Variants in ATG5 observed in about 807,000 individuals in gnomAD.
ATG5 encodes the protein autophagy related 5, also known as autophagy protein 5.
Under a neutral mutation model 36.5 loss-of-function variants are expected in ATG5, and 14 were observed. That is an observed-to-expected ratio of 0.38 (90% CI 0.25 to 0.60). The LOEUF is 0.60. ATG5 is among the 20% of genes least tolerant of loss of function. The pLI, the probability that ATG5 is intolerant of heterozygous loss-of-function variation, is 0.60. For synonymous variants in ATG5, 95 were observed against 101.5 expected, an observed-to-expected ratio of 0.94 and a Z score of 0.38; for missense variants, 195 against 326.7, an observed-to-expected ratio of 0.60 and a Z score of 3.11.
chr6:106,289,047 TAAG>T (rs1473915520), intron 4 of ATG5, among the ~76,000 whole-genome samples: 2 of 152,264 alleles, frequency 1.3e-5, no homozygotes, highest in Admixed American at 6.5e-5. Context: ...AAAGAAATTC[TAAG>T]AAGTCTGGTT....
intron 5 of ATG5, among the ~76,000 whole-genome samples, chr6:106,270,278 G>A (rs994855563): frequency 6.6e-6 from 1 of 152,092 alleles, no homozygotes; most frequent in African/African-American, 2.4e-5. Flanking sequence ...TAAAATGCTT[G>A]TTTGTTCCAT....
intron 4 of ATG5, among the ~76,000 whole-genome samples, chr6:106,284,678 AACC>A (rs1022219988): frequency 3.3e-5 from 5 of 151,882 alleles, no homozygotes; most frequent in Non-Finnish European, 7.4e-5. Flanking sequence ...TTTTGATGAT[AACC>A]AATCTAGAGG....
At position 106,248,674 on chromosome 6, in the gene ATG5, G is replaced by A. The variant is rs546140774; in HGVS notation, c.479-430C>T. Among the ~76,000 whole-genome samples, 27 of 152,258 alleles carry A rather than the reference G, an allele frequency of 1.8e-4. No homozygotes were observed. In the South Asian group the frequency reaches 5.2e-3, roughly 29 times the overall value. Reference sequence around the variant, plus strand: ...AAAGTCGCAGGGTGCAGTGGCCCACGCCTGTAATCACAGCACTTTAGGAGG... The same window carrying A: ...AAAGTCGCAGGGTGCAGTGGCCCACACCTGTAATCACAGCACTTTAGGAGG... On this transcript the variant is annotated intron_variant, in intron 5 of 7. Transcript: ENST00000369076.
intron 3 of ATG5, among the ~76,000 whole-genome samples, chr6:106,293,390 G>A (rs1780398162): frequency 6.6e-6 from 1 of 152,212 alleles, no homozygotes; most frequent in Non-Finnish European, 1.5e-5. Flanking sequence ...TTATGTCACA[G>A]TACTGTTGCA....
intron 5 of ATG5, among the ~76,000 whole-genome samples, chr6:106,251,717 AAG>A (rs1326095232): frequency 1.4e-5 from 2 of 146,058 alleles, no homozygotes; most frequent in Non-Finnish European, 3.0e-5. Context: ...AAAAGAAAGA[AAG>A]AAAGAGAAAG....
chr6:106,244,750 T>A (rs1466719263), intron 6 of ATG5, among the ~76,000 whole-genome samples: 1 of 152,258 alleles, frequency 6.6e-6, no homozygotes, highest in Non-Finnish European at 1.5e-5. Flanking sequence ...GTATCCCTTG[T>A]GCATAGCACA....
At chr6:106,225,635 A>C (rs1257077655) in intron 6 of ATG5, among the ~76,000 whole-genome samples, 3 of 152,216 alleles carry the variant, frequency 2.0e-5, no homozygotes, top group African/African-American at 7.2e-5. Context: ...TAAAAGCAAC[A>C]AGAACACAAA....
At chr6:106,275,825 T>G (rs1779621160) in intron 5 of ATG5, among the ~76,000 whole-genome samples, 1 of 152,226 alleles carries the variant, frequency 6.6e-6, no homozygotes, top group Non-Finnish European at 1.5e-5. Context: ...TTTTATGGGC[T>G]GACAAGCATT....
At chr6:106,294,845 GAAAA>G (rs1219794619) in intron 3 of ATG5, among the ~76,000 whole-genome samples, 1 of 85,968 alleles carries the variant, frequency 1.2e-5, no homozygotes, top group Non-Finnish European at 2.5e-5. Flanking sequence ...CTTTTCTCAA[GAAAA>G]AAAAAAAAAA....
At chr6:106,224,701 C>G (rs187567268) in intron 6 of ATG5, among the ~76,000 whole-genome samples, 2 of 152,034 alleles carry the variant, frequency 1.3e-5, no homozygotes, top group Non-Finnish European at 2.9e-5. Context: ...GATGGAGAAA[C>G]CCTGTCTCCC....
At chr6:106,292,554 G>A (rs1309098037) in intron 4 of ATG5, among the ~76,000 whole-genome samples, 1 of 152,180 alleles carries the variant, frequency 6.6e-6, no homozygotes, top group East Asian at 1.9e-4. Context: ...AACAGTATTA[G>A]GTTGTCCCCT....
intron 1 of ATG5, among the ~76,000 whole-genome samples, chr6:106,320,625 G>GAA (rs66941172): frequency 7.5e-4 from 107 of 142,912 alleles, no homozygotes; most frequent in African/African-American, 1.8e-3. Flanking sequence ...AGGCTGTTCT[G>GAA]AAAAAAAAAA....
intron 6 of ATG5, among the ~76,000 whole-genome samples, chr6:106,219,003 GA>G (rs138748201): frequency 0.086 from 13,008 of 151,276 alleles, 589 homozygotes; most frequent in South Asian, 0.13. Flanking sequence ...AAAATGTAAA[GA>G]AAAAAAGGAA....
chr6:106,204,502 T>C (rs76349637), intron 6 of ATG5, among the ~76,000 whole-genome samples: 2,887 of 152,310 alleles, frequency 0.019, 83 homozygotes, highest in African/African-American at 0.066. Context: ...ATGTTTTGGC[T>C]CTGTGTTTCC....
intron 3 of ATG5, among the ~76,000 whole-genome samples, chr6:106,298,863 G>A (rs1480179036): frequency 6.6e-6 from 1 of 152,052 alleles, no homozygotes; most frequent in East Asian, 1.9e-4. Context: ...AAACAGAACT[G>A]GCAAAAATTA....
chr6:106,206,520 G>C (rs546231605), intron 6 of ATG5, among the ~76,000 whole-genome samples: 2 of 152,054 alleles, frequency 1.3e-5, no homozygotes, highest in African/African-American at 2.4e-5. Flanking sequence ...CATAGTTGTG[G>C]GCGCCTGTAA....
chr6:106,253,211 T>A (rs1423199067), intron 5 of ATG5, among the ~76,000 whole-genome samples: 1 of 152,202 alleles, frequency 6.6e-6, no homozygotes, highest in African/African-American at 2.4e-5. Flanking sequence ...GTGACCTGTA[T>A]CTTCAAACTC....
At position 106,186,023 on chromosome 6, in the gene ATG5, T is replaced by C. The variant is rs1302950144; in HGVS notation, c.*517A>G. The stretch of plus-strand genomic sequence containing the variant: ...ATAGACAGACTGTAAACATAGGAAA[T>C]TTTCGTTAAGGAAAGATGGGTTTAC... On this transcript the variant is annotated 3_prime_UTR_variant, in exon 8 of 8. Coordinates refer to ENST00000369076, the MANE Select transcript of ATG5 (RefSeq NM_004849.4). The C allele has an allele frequency of 2.6e-5, 4 of 153,152 alleles. No individual in the cohort carries two copies. The highest frequency in any genetic ancestry group is 5.9e-5 in the Non-Finnish European group (4 of 68,308). 9.5% of individuals were successfully genotyped at this position (153,152 alleles called of 1,614,324 possible).
At chr6:106,256,772 G>C (rs1263962015) in intron 5 of ATG5, among the ~76,000 whole-genome samples, 1 of 152,200 alleles carries the variant, frequency 6.6e-6, no homozygotes, top group Non-Finnish European at 1.5e-5. Context: ...TTGCAGGGCT[G>C]ACTCTGGGTG....
Sources: gnomAD v4.1 joint callset for allele counts (sites outside exome capture counted in the v4.1 genomes callset) on GRCh38, gnomAD v4.1.1 for gene constraint, MANE v1.5 for transcripts, NCBI Gene and HGNC (gene_info 2026-07-23, HGNC 2026-07-21) for gene names.